The following RAPGEF1 variants were observed in gnomAD, a reference collection of about 807,000 sequenced individuals.
The protein encoded by RAPGEF1 is Rap guanine nucleotide exchange factor 1.
Under a neutral mutation model 143.3 loss-of-function variants are expected in RAPGEF1, and 33 were observed. The ratio of observed to expected loss-of-function variants is 0.23; its 90% CI spans 0.17 to 0.31. The LOEUF is 0.31. Among genes scored for constraint, RAPGEF1 ranks in the 10% least tolerant of loss-of-function variants. The pLI is 1.00. For missense variants in RAPGEF1, 1,199 were observed against 1,645.4 expected, an observed-to-expected ratio of 0.73 and a Z score of 4.69; for synonymous variants, 629 against 676.5, an observed-to-expected ratio of 0.93 and a Z score of 1.09.
intron 1 of RAPGEF1, among the ~76,000 whole-genome samples, chr9:131,714,705 CTTTTT>C (rs10568442): frequency 6.1e-5 from 7 of 114,690 alleles, no homozygotes; most frequent in African/African-American, 7.7e-5. Flanking sequence ...TAGACTCTGC[CTTTTT>C]TTTTTTTTTT....
intron 10 of RAPGEF1, among the ~76,000 whole-genome samples, chr9:131,623,083 A>T (rs1961714322): frequency 6.6e-6 from 1 of 152,002 alleles, no homozygotes; most frequent in African/African-American, 2.4e-5. Context: ...CTTCCTCTTT[A>T]ATGCTGCACA....
chr9:131,696,462 G>C (rs1218578527), intron 1 of RAPGEF1, among the ~76,000 whole-genome samples: 1 of 152,220 alleles, frequency 6.6e-6, no homozygotes. Context: ...GGTCTTTATA[G>C]AAAAAGTCTG....
intron 9 of RAPGEF1, 135 bp downstream of exon 9, chr9:131,627,778 G>A: frequency 2.3e-6 from 2 of 854,646 alleles, no homozygotes; most frequent in South Asian, 3.4e-5. Context: ...TGAGGAAGCT[G>A]AGGCTCAGAT....
Position 131,675,791 on chromosome 9 carries a change from A to G in RAPGEF1, c.62-24842T>C, listed in dbSNP as rs546642532. Reference sequence around the variant, plus strand: ...ACTATACGCCAGCCCTGACAGGCAGACATTAATTGCCATTTTGCAGATGAA... The same window carrying G: ...ACTATACGCCAGCCCTGACAGGCAGGCATTAATTGCCATTTTGCAGATGAA... On this transcript the variant is annotated intron_variant, in intron 1 of 26. Transcript: ENST00000683357. This position sits in a 1 kb window ranked among gnomAD's most constrained non-coding sequence, Gnocchi z 4.6. Among the ~76,000 whole-genome samples the G allele has an allele frequency of 1.3e-5, 2 of 152,388 alleles. No individual in the cohort carries two copies. Among genetic ancestry groups the G allele is most frequent in the African/African-American group, 4.8e-5 (2 of 41,594 alleles).
At chr9:131,728,784 G>A (rs924211571) in intron 1 of RAPGEF1, among the ~76,000 whole-genome samples, 1 of 152,226 alleles carries the variant, frequency 6.6e-6, no homozygotes, top group Admixed American at 6.5e-5. Context: ...TCACTTTAGA[G>A]TAGAAGGCGA....
At position 131,596,337 on chromosome 9, in the gene RAPGEF1, C is replaced by G. The variant is rs1432634090; in HGVS notation, c.2650G>C (p.Asp884His). ...TCAGTAGCATGGACCAGTAAGATGTCCCCAGATCCTCCGCGGACGTCCGGC... is the reference window on the plus strand; with the variant it reads ...TCAGTAGCATGGACCAGTAAGATGTGCCCAGATCCTCCGCGGACGTCCGGC... ...DGPDVRGGSG[D>H]ILLVHATETD... Residue 884 changes from aspartate (D) to histidine (H), a missense_variant, in exon 17 of 27, where the codon GAC (aspartate) becomes CAC (histidine). This residue lies in a region of RAPGEF1 where 209 missense variants were observed against 403.0 expected (regional missense o/e 0.52). Transcript: ENST00000683357. 6.2e-7 allele frequency: 1 copy of G among 1,613,846 alleles called. No individual in the cohort carries two copies. The highest frequency in any genetic ancestry group is 8.5e-7 in the Non-Finnish European group (1 of 1,179,872).
rs538856478 is a variant in RAPGEF1, at chr9:131,583,983, C to T, written c.3414+328G>A. Among the ~76,000 whole-genome samples, 13 of 152,370 alleles carry T rather than the reference C, an allele frequency of 8.5e-5. No homozygotes were observed. Among genetic ancestry groups the T allele is most frequent in the African/African-American group, 1.7e-4 (7 of 41,590 alleles). The stretch of plus-strand genomic sequence containing the variant: ...CGTCCCCAGCACCTACCGCAGTGCC[C>T]GGCCCGAAGCAGACCCTTCAGAAGA... On this transcript the variant is annotated intron_variant, in intron 24 of 26. Transcript: ENST00000683357. This position sits in a 1 kb window ranked among gnomAD's most constrained non-coding sequence, Gnocchi z 4.7.
intron 1 of RAPGEF1, among the ~76,000 whole-genome samples, chr9:131,736,551 A>G (rs1439965143): frequency 6.6e-6 from 1 of 152,258 alleles, no homozygotes; most frequent in Non-Finnish European, 1.5e-5. Flanking sequence ...CATGAGAAAG[A>G]AAATGTCCCA....
At chr9:131,710,837 C>T (rs1444635133) in intron 1 of RAPGEF1, among the ~76,000 whole-genome samples, 5 of 151,796 alleles carry the variant, frequency 3.3e-5, no homozygotes, top group Non-Finnish European at 1.5e-5. Flanking sequence ...TGCAGTAAGC[C>T]GAGATCACAC....
intron 1 of RAPGEF1, among the ~76,000 whole-genome samples, chr9:131,692,250 T>G (rs1350923857): frequency 6.6e-6 from 1 of 152,220 alleles, no homozygotes; most frequent in Non-Finnish European, 1.5e-5. Context: ...TTCACCTCGC[T>G]TTATCTTTAG....
chr9:131,719,830 G>C (rs1836136181), intron 1 of RAPGEF1, among the ~76,000 whole-genome samples: 2 of 151,260 alleles, frequency 1.3e-5, no homozygotes, highest in South Asian at 4.2e-4. Context: ...CAAAGTTAGG[G>C]GAATAGTTCA....
At position 131,682,388 on chromosome 9, in the gene RAPGEF1, C is replaced by T. The variant is rs546692543; in HGVS notation, c.62-31439G>A. 5.9e-5 allele frequency among the ~76,000 whole-genome samples: 9 copies of T among 152,322 alleles called. No individual in the cohort carries two copies. In the South Asian group the frequency reaches 1.9e-3, roughly 32 times the overall value. On this transcript the variant is annotated intron_variant, in intron 1 of 26. Coordinates refer to ENST00000683357, the MANE Select transcript of RAPGEF1 (RefSeq NM_001377935.1). The stretch of plus-strand genomic sequence containing the variant: ...CCAGCTCAGGCCATTCCATCACCTC[C>T]GTACAATGTCTGTCAGTAGATTTAT...
chr9:131,582,764 G>C, intron 24 of RAPGEF1, 62 bp from the exon 25 acceptor site: 4 of 1,411,222 alleles, frequency 2.8e-6, no homozygotes, highest in African/African-American at 1.5e-5. Flanking sequence ...CAATGCTGGG[G>C]CAGAGCCCTG....
intron 4 of RAPGEF1, among the ~76,000 whole-genome samples, chr9:131,640,498 TAAGA>T (rs1431478063): frequency 6.6e-6 from 1 of 152,144 alleles, no homozygotes; most frequent in Non-Finnish European, 1.5e-5. Flanking sequence ...GGCTAAGACA[TAAGA>T]AAGGAAGGAA....
At chr9:131,587,280 A>ACACACACC (rs1160522836) in intron 22 of RAPGEF1, among the ~76,000 whole-genome samples, 1 of 131,418 alleles carries the variant, frequency 7.6e-6, no homozygotes, top group Non-Finnish European at 1.7e-5. Context: ...ACACACACAC[A>ACACACACC]CCTGCAGAGC....
intron 20 of RAPGEF1, 30 bp from the exon 21 acceptor site, chr9:131,588,056 C>A (rs1464799843): frequency 5.0e-6 from 8 of 1,588,138 alleles, no homozygotes. Context: ...GAAGAGCCGT[C>A]AGGGGTGGGG....
At chr9:131,702,298 G>A (rs181904733) in intron 1 of RAPGEF1, among the ~76,000 whole-genome samples, 1 of 152,304 alleles carries the variant, frequency 6.6e-6, no homozygotes, top group Non-Finnish European at 1.5e-5. Context: ...GAAGGCAGAA[G>A]ACAAAAAGTT....
At chr9:131,607,687 G>A (rs1157854413) in intron 12 of RAPGEF1, among the ~76,000 whole-genome samples, 1 of 152,122 alleles carries the variant, frequency 6.6e-6, no homozygotes, top group Non-Finnish European at 1.5e-5. Context: ...CCAATGCCCA[G>A]ACACTGCCAC....
chr9:131,696,721 G>A (rs1275999290), intron 1 of RAPGEF1, among the ~76,000 whole-genome samples: 1 of 152,216 alleles, frequency 6.6e-6, no homozygotes, highest in Non-Finnish European at 1.5e-5. Context: ...ATAAGTAGGT[G>A]TCTGATAAAT....
Sources: gnomAD v4.1 joint callset for allele counts (sites outside exome capture counted in the v4.1 genomes callset) on GRCh38, gnomAD v4.1.1 for gene constraint, gnomAD v4.1.1 regional missense constraint, Gnocchi (gnomAD v3.1) non-coding constraint, MANE v1.5 for transcripts, NCBI Gene and HGNC (gene_info 2026-07-23, HGNC 2026-07-21) for gene names.